Variants in ODF2L observed in about 807,000 individuals in gnomAD.
ODF2L encodes the protein outer dense fiber of sperm tails 2 like, also known as protein BCAP.
In ODF2L, 76 loss-of-function variants were observed where a neutral mutation model predicts 86.3. The ratio of observed to expected loss-of-function variants is 0.88; its 90% CI spans 0.73 to 1.07. The LOEUF is 1.07. Among genes scored for constraint, ODF2L ranks in the 50% least tolerant of loss-of-function variants. The pLI is 0.00. For missense variants in ODF2L, 748 were observed against 717.4 expected, an observed-to-expected ratio of 1.04 and a Z score of -0.49; for synonymous variants, 241 against 231.3, an observed-to-expected ratio of 1.04 and a Z score of -0.38.
intron 9 of ODF2L, among the ~76,000 whole-genome samples, chr1:86,371,434 C>A (rs1558033436): frequency 6.6e-6 from 1 of 152,140 alleles, no homozygotes; most frequent in Non-Finnish European, 1.5e-5. Flanking sequence ...AAACTATTAT[C>A]CACAAGTATG....
chr1:86,371,295 G>A (rs1659767767), intron 9 of ODF2L, 142 bp from the exon 10 acceptor site: 1 of 456,882 alleles, frequency 2.2e-6, no homozygotes, highest in Non-Finnish European at 3.8e-6. Context: ...AGAACTCATA[G>A]AACAAGAAAA....
At chr1:86,361,164 G>A (rs1212873413) in intron 11 of ODF2L, among the ~76,000 whole-genome samples, 5 of 152,152 alleles carry the variant, frequency 3.3e-5, no homozygotes, top group Non-Finnish European at 5.9e-5. Context: ...TTAGTCTACT[G>A]CAATTTCATG....
chr1:86,368,690 C>A, exon 11 of ODF2L: 2 of 1,444,422 alleles, frequency 1.4e-6, no homozygotes, highest in Non-Finnish European at 9.2e-7. Context: ...TGTTCATATT[C>A]TTTGACTCAG....
chr1:86,368,832 T>A (rs1298923826), intron 10 of ODF2L: 2 of 910,344 alleles, frequency 2.2e-6, no homozygotes, highest in African/African-American at 3.4e-5. Flanking sequence ...AAATAGGGAA[T>A]CACCTAACAC....
intron 13 of ODF2L, 152 bp from the exon 13 acceptor site, chr1:86,356,754 A>T: frequency 1.7e-6 from 1 of 602,212 alleles, no homozygotes; most frequent in Non-Finnish European, 2.5e-6. Flanking sequence ...AAACTCTGTT[A>T]AATAAGAATG....
intron 1 of ODF2L, among the ~76,000 whole-genome samples, chr1:86,395,050 G>A (rs1661629398): frequency 6.6e-6 from 1 of 151,892 alleles, no homozygotes; most frequent in African/African-American, 2.4e-5. Flanking sequence ...TCACCGTGTT[G>A]GCCAGGATGG....
At chr1:86,352,980 G>A in exon 17 of ODF2L, 1 of 1,507,378 alleles carries the variant, frequency 6.6e-7, no homozygotes, top group Non-Finnish European at 9.1e-7. Context: ...TATTTCTTCA[G>A]CAACCTGTAA....
chr1:86,373,098 C>T (rs1659917394), intron 8 of ODF2L, among the ~76,000 whole-genome samples: 2 of 151,950 alleles, frequency 1.3e-5, no homozygotes, highest in South Asian at 2.1e-4. Context: ...AACGACCTGT[C>T]CCCTAAAAAC....
chr1:86,355,283 GTAAA>G, intron 14 of ODF2L: 1 of 1,086,474 alleles, frequency 9.2e-7, no homozygotes, highest in Non-Finnish European at 1.4e-6. Context: ...AGTCGAAACT[GTAAA>G]TAAAATACAT....
At chr1:86,358,186 GC>G in intron 13 of ODF2L, 1 of 575,284 alleles carries the variant, frequency 1.7e-6, no homozygotes, top group Non-Finnish European at 2.2e-6. Flanking sequence ...GACCTCTGCT[GC>G]CAGGAGTCAG....
At chr1:86,356,401 T>G in intron 14 of ODF2L, 43 bp downstream of exon 13, 2 of 1,527,620 alleles carry the variant, frequency 1.3e-6, no homozygotes, top group Non-Finnish European at 1.8e-6. Context: ...TCCAAAGCAT[T>G]CTTTTAACGC....
At chr1:86,391,770 C>T (rs1343853500) in intron 1 of ODF2L, among the ~76,000 whole-genome samples, 2 of 152,054 alleles carry the variant, frequency 1.3e-5, no homozygotes, top group African/African-American at 2.4e-5. Context: ...CAGAAAAACC[C>T]TTCTAGATAT....
At chr1:86,386,028 G>A (rs192757797) in intron 2 of ODF2L, 226 of 153,356 alleles carry the variant, frequency 1.5e-3, no homozygotes, top group Non-Finnish European at 2.7e-3. Context: ...ATCTATAAAC[G>A]ACACCTGTCC....
intron 11 of ODF2L, among the ~76,000 whole-genome samples, chr1:86,364,166 T>C (rs1347448743): frequency 6.6e-6 from 1 of 151,866 alleles, no homozygotes; most frequent in East Asian, 1.9e-4. Context: ...TAGTTTATAA[T>C]ATCTTTCTAA....
At chr1:86,386,078 A>G (rs1660934578) in intron 2 of ODF2L, 1 of 152,584 alleles carries the variant, frequency 6.6e-6, no homozygotes, top group African/African-American at 2.4e-5. Context: ...GTGTGATTAT[A>G]GATGATAAAA....
chr1:86,363,507 C>T (rs752500141), intron 11 of ODF2L, among the ~76,000 whole-genome samples: 1 of 152,010 alleles, frequency 6.6e-6, no homozygotes, highest in African/African-American at 2.4e-5. Flanking sequence ...ATAGTAGACA[C>T]ATTTAATTTG....
exon 16 of ODF2L, chr1:86,354,643 C>T: frequency 1.2e-5 from 20 of 1,612,178 alleles, no homozygotes; most frequent in Non-Finnish European, 1.6e-5. Context: ...TCTTGGTTTG[C>T]CAGCTTCTTC....
exon 17 of ODF2L, chr1:86,352,977 T>G: frequency 6.6e-7 from 1 of 1,512,732 alleles, no homozygotes; most frequent in South Asian, 1.2e-5. Flanking sequence ...CTCTATTTCT[T>G]CAGCAACCTG....
chr1:86,360,985 A>T (rs1312178435), intron 11 of ODF2L: 2 of 152,298 alleles, frequency 1.3e-5, no homozygotes, highest in Non-Finnish European at 2.9e-5. Context: ...TCAGCCCAAC[A>T]CTAAAGAAGC....
Sources: allele counts gnomAD v4.1 joint callset (sites outside exome capture counted in the v4.1 genomes callset), GRCh38; gene constraint gnomAD v4.1.1; transcripts MANE v1.5; gene names NCBI Gene and HGNC (gene_info 2026-07-23, HGNC 2026-07-21).